Variants in PCNX2 observed in about 807,000 individuals in gnomAD.
The protein encoded by PCNX2 is pecanex-like protein 2.
In PCNX2, 168 loss-of-function variants were observed where a neutral mutation model predicts 223.8. The ratio of observed to expected loss-of-function variants is 0.75; its 90% confidence interval spans 0.66 to 0.85. The LOEUF is 0.85. Ranked by LOEUF, PCNX2 falls within the 40% of genes least tolerant of loss-of-function variation. The probability of loss-of-function intolerance (pLI) is 0.00; values close to 1 mark genes in which losing one functional copy is unlikely to be tolerated. For synonymous variants in PCNX2, 1,006 were observed against 1,052.6 expected (o/e 0.96, Z 0.86); for missense variants, 2,507 against 2,675.5 (o/e 0.94, Z 1.39).
chr1:233,231,884 C>G (rs1013544712), intron 9 of PCNX2, among the ~76,000 whole-genome samples: 9 of 152,106 alleles, frequency 5.9e-5, no homozygotes, highest in African/African-American at 2.2e-4. Flanking sequence ...CCTTCAACAC[C>G]CCAAGTTCCA....
At chr1:233,288,597 T>C (rs1221062972) in intron 1 of PCNX2, among the ~76,000 whole-genome samples, 1 of 151,970 alleles carries the variant, frequency 6.6e-6, no homozygotes, top group East Asian at 1.9e-4. Context: ...TAATTATCAA[T>C]TTGAAAAGAC....
rs999567846 is a variant in PCNX2 at position 232,990,751 on chromosome 1, C to T, written c.5792-4211G>A. Among the ~76,000 whole-genome samples, 1 of 152,202 alleles carries T rather than the reference C, an allele frequency of 6.6e-6. No individual in the cohort carries two copies. The highest frequency in any genetic ancestry group is 2.1e-4 in the South Asian group (1 of 4,830). On this transcript the variant is annotated intron_variant, in intron 32 of 33. Coordinates refer to ENST00000258229, the MANE Select transcript of PCNX2 (RefSeq NM_014801.4). This position sits in a 1 kb window ranked among gnomAD's most constrained non-coding sequence, Gnocchi z 4.3. Reference sequence around the variant, plus strand: ...GTGGAGACAGGAGCACGTCAACCAGCTCCCACCCACTCCTGCTTGGCCGTG... The same window carrying T: ...GTGGAGACAGGAGCACGTCAACCAGTTCCCACCCACTCCTGCTTGGCCGTG...
intron 23 of PCNX2, among the ~76,000 whole-genome samples, chr1:233,085,104 G>A (rs1170510514): frequency 1.3e-5 from 2 of 152,160 alleles, no homozygotes; most frequent in Non-Finnish European, 2.9e-5. Context: ...GGAGGCTGAG[G>A]AGGGCGGATC....
Position 233,259,267 on chromosome 1 carries a change from C to T in PCNX2, c.595G>A (p.Ala199Thr), listed in dbSNP as rs536548136. 162 of 1,613,936 alleles carry T rather than the reference C, an allele frequency of 1.0e-4. 1 individual carries two copies. The South Asian group carries it at 1.7e-3, about 17-fold the overall frequency. The stretch of plus-strand genomic sequence containing the variant: ...GTTTCCAGCATGTGTGCTTGAGACG[C>T]AGGTAAGCTTTCCACTTTGATACCA... ...SPGIKVESLP[A>T]SQAHMLETTT... The change falls in exon 5 of 34, where the codon GCG (alanine) becomes ACG (threonine). Residue 199 changes from alanine (A) to threonine (T), a missense_variant. By Grantham distance (58) the Ala-to-Thr change is moderately conservative. Coordinates refer to ENST00000258229, the MANE Select transcript of PCNX2 (RefSeq NM_014801.4).
At chr1:233,160,758 G>C (rs2102821166) in intron 18 of PCNX2, among the ~76,000 whole-genome samples, 1 of 152,304 alleles carries the variant, frequency 6.6e-6, no homozygotes, top group African/African-American at 2.4e-5. Flanking sequence ...CTCATGAAAA[G>C]GGGAGTTCAT....
intron 25 of PCNX2, among the ~76,000 whole-genome samples, chr1:233,031,047 C>T (rs1464744380): frequency 6.6e-6 from 1 of 152,202 alleles, no homozygotes; most frequent in Non-Finnish European, 1.5e-5. Flanking sequence ...AACAAGAAAG[C>T]ACCTCTGGGC....
rs150071117 is a variant in PCNX2 at position 233,254,429 on chromosome 1, T to G, written c.1835-1641A>C. 6.8e-4 allele frequency among the ~76,000 whole-genome samples: 103 copies of G among 152,352 alleles called. 2 individuals are homozygous for G. The East Asian group carries it at 0.018, about 27-fold the overall frequency. ...TTACACTAAGTGTCTTTGAATTCAT[T>G]TGTTCACATCTCTTTATCATATCTT... On this transcript the variant is annotated intron_variant, in intron 5 of 33. Coordinates refer to ENST00000258229, the MANE Select transcript of PCNX2 (RefSeq NM_014801.4).
At chr1:233,168,590 C>T (rs1678941425) in intron 17 of PCNX2, among the ~76,000 whole-genome samples, 1 of 152,088 alleles carries the variant, frequency 6.6e-6, no homozygotes, top group Non-Finnish European at 1.5e-5. Context: ...TTGAACGACT[C>T]ATAGTGCAAA....
intron 1 of PCNX2, among the ~76,000 whole-genome samples, chr1:233,294,782 T>C (rs1661972472): frequency 6.6e-6 from 1 of 152,218 alleles, no homozygotes; most frequent in African/African-American, 2.4e-5. Context: ...ATTAGATTTA[T>C]CCATTATTAT....
intron 27 of PCNX2, 108 bp downstream of exon 27, chr1:233,016,813 C>A: frequency 6.8e-7 from 1 of 1,464,662 alleles, no homozygotes. Flanking sequence ...TTTTTCTATC[C>A]TCTATGTTAA....
In PCNX2 at chr1:232,999,418, C is replaced by G. The variant is rs746302209; in HGVS notation, c.5329-39G>C. On this transcript the variant is annotated intron_variant, in intron 30 of 33. Transcript: ENST00000258229. ...AGGGAACGGGAAGAAAGGCAGAAGG[C>G]CTGTGTTTTCCAGTCTATTGGTTTT... 5.2e-6 allele frequency: 8 copies of G among 1,527,300 alleles called. No individual in the cohort carries two copies. In the Admixed American group the frequency reaches 6.7e-5, roughly 13 times the overall value. The allele number at this position is 1,527,300 out of a possible 1,614,324, so 94.6% of individuals were successfully genotyped here.
At position 233,054,369 on chromosome 1, in the gene PCNX2, T is replaced by C; in HGVS notation, c.4250A>G (p.Asp1417Gly). 6.2e-7 allele frequency: 1 copy of C among 1,613,866 alleles called. No homozygotes were observed. Residue 1417 changes from aspartate to glycine, a missense_variant, in exon 25 of 34, where the codon GAT becomes GGT. Coordinates refer to ENST00000258229, the MANE Select transcript of PCNX2 (RefSeq NM_014801.4). ...GTCATCTGAAGCCAAAATAAAGCAA[T>C]CGCCAGAGCTGTAGTTGCCCCAACG... ...LGRWGNYSSGDCFILASDDLN... is the reference protein window; with the variant it reads ...LGRWGNYSSGGCFILASDDLN...
chr1:233,294,736 T>C (rs1661970225), intron 1 of PCNX2, among the ~76,000 whole-genome samples: 1 of 152,200 alleles, frequency 6.6e-6, no homozygotes, highest in African/African-American at 2.4e-5. Context: ...TCAAGCCCCA[T>C]CTAAATGTTG....
At chr1:233,028,198 C>G (rs1283479271) in intron 25 of PCNX2, among the ~76,000 whole-genome samples, 3 of 152,142 alleles carry the variant, frequency 2.0e-5, no homozygotes, top group Non-Finnish European at 1.5e-5. Context: ...TTGAAAACAT[C>G]TGTATTCTGC....
intron 21 of PCNX2, among the ~76,000 whole-genome samples, chr1:233,130,962 A>G (rs375095981): frequency 1.2e-3 from 179 of 150,474 alleles, no homozygotes; most frequent in South Asian, 5.3e-3. Flanking sequence ...TGGCGCTTTG[A>G]TCTCACTCTC....
At chr1:233,280,943 A>G (rs1209134636) in intron 1 of PCNX2, among the ~76,000 whole-genome samples, 1 of 150,778 alleles carries the variant, frequency 6.6e-6, no homozygotes, top group East Asian at 2.0e-4. Flanking sequence ...AAAAGCACTT[A>G]AATGTTCACA....
rs373209360 is a variant in PCNX2, at chr1:232,984,108, ATTTTT to A, written c.*191_*195del. 2.0e-3 allele frequency: 272 copies of A among 135,144 alleles called. No homozygotes were observed. The highest frequency in any genetic ancestry group is 0.012 in the African/African-American group (186 of 15,456). The allele number at this position is 135,144 out of a possible 1,614,324, so 8.4% of individuals were successfully genotyped here. ...GAGGTTTTTTTGTTGTTGTTGTTTG[ATTTTT>A]TTTTTTTTTTTTTTTTTTTTTTCAA... On this transcript the variant is annotated 3_prime_UTR_variant, in exon 34 of 34. Transcript: ENST00000258229.
At chr1:233,229,313 G>A (rs558369994) in intron 9 of PCNX2, among the ~76,000 whole-genome samples, 3 of 152,252 alleles carry the variant, frequency 2.0e-5, no homozygotes, top group African/African-American at 7.2e-5. Flanking sequence ...AGGATGAGTT[G>A]GACTGAATGA....
At chr1:233,134,665 G>A (rs867142080) in intron 21 of PCNX2, 51 of 311,382 alleles carry the variant, frequency 1.6e-4, no homozygotes, top group Admixed American at 9.9e-5. Flanking sequence ...GACGGAGGGA[G>A]GGAGGGAGAG....
Sources: allele counts gnomAD v4.1 joint callset (sites outside exome capture counted in the v4.1 genomes callset), GRCh38; gene constraint gnomAD v4.1.1; non-coding constraint Gnocchi (gnomAD v3.1); transcripts MANE v1.5; gene names NCBI Gene and HGNC (gene_info 2026-07-23, HGNC 2026-07-21).